GRK6: variants seen among roughly 807,000 people sequenced by gnomAD.
GRK6 encodes G protein-coupled receptor kinase 6.
In GRK6, 37 loss-of-function variants were observed where a neutral mutation model predicts 80.8. The ratio of observed to expected loss-of-function variants is 0.46; its 90% CI spans 0.35 to 0.60. GRK6 has a LOEUF of 0.60. GRK6 is among the 20% of genes least tolerant of loss of function. GRK6 has a pLI of 0.00. For synonymous variants in GRK6, 295 were observed against 320.9 expected (o/e 0.92, Z 0.86); for missense variants, 560 against 784.6 (o/e 0.71, Z 3.42).
Position 177,432,256 on chromosome 5 carries a change from T to A in GRK6, c.285T>A (p.Asp95Glu). The A allele has an allele frequency of 6.2e-7, 1 of 1,613,464 alleles. No individual in the cohort carries two copies. The highest frequency in any genetic ancestry group is 8.5e-7 in the Non-Finnish European group (1 of 1,179,910). The change falls in exon 4 of 16, where the codon GAT (aspartate) becomes GAA (glutamate). Residue 95 changes from aspartate to glutamate, a missense_variant. Transcript: ENST00000355472. ...DGVAEYEVTP[D>E]DKRKACGRQL... ...AGGCCGAGTATGAAGTGACCCCGGATGACAAGCGGAAGGCATGTGGGCGGC... is the reference window on the plus strand; with the variant it reads ...AGGCCGAGTATGAAGTGACCCCGGAAGACAAGCGGAAGGCATGTGGGCGGC...
chr5:177,426,689 C>G lies in GRK6; in HGVS notation c.-157C>G, dbSNP rs1763684293. 2.0e-5 allele frequency: 4 copies of G among 203,094 alleles called. No homozygotes were observed. Among genetic ancestry groups the G allele is most frequent in the Non-Finnish European group, 8.6e-6 (1 of 116,142 alleles). The allele number at this position is 203,094 out of a possible 1,614,324, so 12.6% of individuals were successfully genotyped here. ...CCGGGAGGGGGCGGAGAGTGCGCGG[C>G]TGGCTGCGGCGGCCGGGGAGGCCGG... On this transcript the variant is annotated 5_prime_UTR_variant, in exon 1 of 16. Transcript: ENST00000355472.
Position 177,429,985 on chromosome 5 carries a change from G to A in GRK6, c.53-887G>A, listed in dbSNP as rs1431284768. ...GTGGCCCACAGGCCACACACATTTG[G>A]CTAGCTCCCTGACACATTTTATTTG... On this transcript the variant is annotated intron_variant, in intron 1 of 15. Transcript: ENST00000355472. This position sits in a 1 kb window ranked among gnomAD's most constrained non-coding sequence, Gnocchi z 4.3. Among the ~76,000 whole-genome samples the A allele has an allele frequency of 6.6e-6, 1 of 151,828 alleles. No homozygotes were observed. The highest frequency in any genetic ancestry group is 1.5e-5 in the Non-Finnish European group (1 of 67,996).
At chr5:177,441,449 T>C (rs1183503169) in intron 15 of GRK6, 5 of 672,654 alleles carry the variant, frequency 7.4e-6, no homozygotes, top group East Asian at 2.7e-5. Context: ...GCCCTGTCTC[T>C]GCCAGCCCCA....
Position 177,435,061 on chromosome 5 carries a change from G to T in GRK6, c.997G>T (p.Ala333Ser). The part of the protein sequence containing the change: ...GHIRISDLGL[A>S]VHVPEGQTIK... ...CATCCGCATCTCTGACCTGGGACTAGCTGTGCATGTGCCCGAGGGCCAGAC... is the reference window on the plus strand; with the variant it reads ...CATCCGCATCTCTGACCTGGGACTATCTGTGCATGTGCCCGAGGGCCAGAC... The change falls in exon 11 of 16, where the codon GCT becomes TCT. Residue 333 changes from alanine to serine, a missense_variant. This residue lies in a region of GRK6 where 294 missense variants were observed against 397.4 expected (regional missense o/e 0.74). Transcript: ENST00000355472. 1 of 1,612,696 alleles carries T rather than the reference G, an allele frequency of 6.2e-7. No homozygotes were observed. The highest frequency in any genetic ancestry group is 8.5e-7 in the Non-Finnish European group (1 of 1,179,714).
At chr5:177,430,554 T>G in intron 1 of GRK6, 1 of 362,380 alleles carries the variant, frequency 2.8e-6, no homozygotes. Context: ...CTTCTCCCCT[T>G]TCTTCACCGG....
chr5:177,439,553 A>G (rs1176753347), intron 13 of GRK6, among the ~76,000 whole-genome samples: 1 of 152,006 alleles, frequency 6.6e-6, no homozygotes, highest in Non-Finnish European at 1.5e-5. Flanking sequence ...AAAAAAAAAA[A>G]AAAAAGTGCA....
intron 9 of GRK6, 118 bp from the exon 10 acceptor site, chr5:177,434,784 T>G: frequency 9.0e-7 from 1 of 1,108,634 alleles, no homozygotes; most frequent in Non-Finnish European, 1.4e-6. Context: ...TGGCAGCAAA[T>G]GAGTCTCGCA....
intron 13 of GRK6, chr5:177,436,814 C>T (rs1764179931): frequency 2.3e-6 from 1 of 437,798 alleles, no homozygotes; most frequent in Admixed American, 3.8e-5. Context: ...GGGTAGCTCT[C>T]CCCATGGTGC....
Position 177,441,385 on chromosome 5 carries a change from C to T in GRK6, c.1677+332C>T, listed in dbSNP as rs1764490882. On this transcript the variant is annotated intron_variant, in intron 15 of 15. Transcript: ENST00000355472. ...CACTCCCCCTGCCCACTGCTTTGAT[C>T]CCCTGCACCCTGGCCCCTTCGAGCT... is the stretch of plus-strand genomic sequence containing the variant. 3 of 1,060,828 alleles carry T rather than the reference C, an allele frequency of 2.8e-6. No homozygotes were observed. In the African/African-American group the frequency reaches 4.7e-5, roughly 17 times the overall value. The allele number at this position is 1,060,828 out of a possible 1,614,324, so 65.7% of individuals were successfully genotyped here. A position where few individuals can be genotyped will look rare whatever the true frequency, so the allele number is the denominator to read the frequency against.
At chr5:177,433,779 G>A (rs902753246) in intron 8 of GRK6, 103 bp downstream of exon 8, 109 of 1,539,738 alleles carry the variant, frequency 7.1e-5, no homozygotes, top group Non-Finnish European at 8.7e-5. Context: ...CAGGAAGGGC[G>A]GGTTTGGGGT....
chr5:177,441,451 C>T (rs1764494454), intron 15 of GRK6: 3 of 670,018 alleles, frequency 4.5e-6, no homozygotes, highest in Non-Finnish European at 7.6e-6. Context: ...CCTGTCTCTG[C>T]CAGCCCCAGG....
intron 11 of GRK6, 56 bp downstream of exon 11, chr5:177,435,177 C>T: frequency 4.0e-6 from 5 of 1,251,810 alleles, no homozygotes; most frequent in South Asian, 1.4e-5. Flanking sequence ...TATCCACCCA[C>T]CCAGCCACAC....
rs1764067310 is a variant in GRK6, at chr5:177,434,787, G to A, written c.930-115G>A. The A allele has an allele frequency of 4.3e-6, 5 of 1,157,992 alleles. No homozygotes were observed. The African/African-American group carries it at 6.0e-5, about 14-fold the overall frequency. The allele number at this position is 1,157,992 out of a possible 1,614,324, so 71.7% of individuals were successfully genotyped here. On this transcript the variant is annotated intron_variant, in intron 9 of 15. Transcript: ENST00000355472. ...TGTCTGTCGCCCTGGCAGCAAATGA[G>A]TCTCGCACCTTGCTCCACACCTGGC...
rs1764580230 is a variant in GRK6, at chr5:177,442,791, A to C, written c.*1001A>C. 6.6e-6 allele frequency: 1 copy of C among 152,482 alleles called. No individual in the cohort carries two copies. Among genetic ancestry groups the C allele is most frequent in the South Asian group, 2.1e-4 (1 of 4,832 alleles). The allele number at this position is 152,482 out of a possible 1,614,324, so 9.4% of individuals were successfully genotyped here. Reference sequence around the variant, plus strand: ...CAGTGTTAGGGTAGCATGGGATTACAGGGCCCTGTTTTTTCCATATTTAAA... The same window carrying C: ...CAGTGTTAGGGTAGCATGGGATTACCGGGCCCTGTTTTTTCCATATTTAAA... On this transcript the variant is annotated 3_prime_UTR_variant, in exon 16 of 16. Coordinates refer to ENST00000355472, the MANE Select transcript of GRK6 (RefSeq NM_001004106.3).
Position 177,442,022 on chromosome 5 carries a change from CG to C in GRK6, c.*236del. On this transcript the variant is annotated 3_prime_UTR_variant, in exon 16 of 16. Transcript: ENST00000355472. ...CCCTTCAGCTCTTCTCCGTGGAGCT[CG>C]GGGCTTTCTGTATTTATGTATTTGT... 1.8e-6 allele frequency: 1 copy of C among 567,690 alleles called. No homozygotes were observed. Among genetic ancestry groups the C allele is most frequent in the South Asian group, 2.2e-5 (1 of 45,760 alleles). 35.2% of individuals were successfully genotyped at this position (567,690 alleles called of 1,614,324 possible).
intron 4 of GRK6, 87 bp downstream of exon 4, chr5:177,432,397 G>A: frequency 7.5e-7 from 1 of 1,328,128 alleles, no homozygotes; most frequent in Non-Finnish European, 1.1e-6. Flanking sequence ...GCTTCTGAGG[G>A]TGGTCTCTTC....
At chr5:177,430,804 G>A (rs1016606805) in intron 1 of GRK6, 68 bp from the exon 2 acceptor site, 9 of 1,395,436 alleles carry the variant, frequency 6.4e-6, no homozygotes, top group South Asian at 3.5e-5. Context: ...GCCGTGGACC[G>A]CACTGAGGAC....
intron 13 of GRK6, among the ~76,000 whole-genome samples, chr5:177,437,547 C>T (rs1235487150): frequency 1.3e-5 from 2 of 152,180 alleles, no homozygotes; most frequent in African/African-American, 4.8e-5. Flanking sequence ...GCAAGAGTAT[C>T]CTCTAGTTGT....
At chr5:177,436,334 T>TGGCCCCCC in intron 12 of GRK6, 53 bp downstream of exon 12, 2 of 1,556,018 alleles carry the variant, frequency 1.3e-6, no homozygotes, top group Non-Finnish European at 1.8e-6. Flanking sequence ...GATGCACCTT[T>TGGCCCCCC]CCCTCCCTCC....
Sources: allele counts gnomAD v4.1 joint callset (sites outside exome capture counted in the v4.1 genomes callset), GRCh38; gene constraint gnomAD v4.1.1; regional missense constraint gnomAD v4.1.1; non-coding constraint Gnocchi (gnomAD v3.1); transcripts MANE v1.5; gene names NCBI Gene and HGNC (gene_info 2026-07-23, HGNC 2026-07-21).